AP2A2: variants seen among roughly 807,000 people sequenced by gnomAD.
AP2A2 encodes AP-2 complex subunit alpha-2.
In AP2A2, 32 loss-of-function variants were observed where a neutral mutation model predicts 104.2. The ratio of observed to expected loss-of-function variants is 0.31; its 90% CI spans 0.23 to 0.41. The LOEUF is 0.41. Ranked by LOEUF, AP2A2 falls within the 10% of genes least tolerant of loss-of-function variation. AP2A2 has a pLI of 1.00. For synonymous variants in AP2A2, 539 were observed against 533.3 expected (o/e 1.01, Z -0.15); for missense variants, 912 against 1,261.0 (o/e 0.72, Z 4.19).
At chr11:991,785 G>A (rs920696975) in intron 10 of AP2A2, among the ~76,000 whole-genome samples, 1 of 152,004 alleles carries the variant, frequency 6.6e-6, no homozygotes, top group Non-Finnish European at 1.5e-5. Context: ...GGGGAGGGGC[G>A]GCAGGGTATT....
intron 1 of AP2A2, among the ~76,000 whole-genome samples, chr11:951,938 G>C (rs887546485): frequency 6.0e-5 from 9 of 150,438 alleles, no homozygotes; most frequent in African/African-American, 2.2e-4. Flanking sequence ...GTCTGTCCTG[G>C]CTCACTGGAG....
chr11:1,000,548 G>C lies in AP2A2; in HGVS notation c.2073G>C (p.Ser691=), dbSNP rs765112074. The C allele has an allele frequency of 6.5e-7, 1 of 1,549,928 alleles. No homozygotes were observed. Among genetic ancestry groups the C allele is most frequent in the African/African-American group, 1.4e-5 (1 of 73,598 alleles). ...SGLLVDVFSD[S]ASVVAPLAPG... The stretch of plus-strand genomic sequence containing the variant: ...TGCTCGTGGACGTGTTCTCAGACTC[G>C]GCCTCTGTGGTCGCGCCTCTCGCTC... The change falls in exon 15 of 22, where the codon TCG becomes TCC. Residue 691 remains serine (S), a synonymous_variant. Coordinates refer to ENST00000448903, the MANE Select transcript of AP2A2 (RefSeq NM_012305.4).
intron 9 of AP2A2, among the ~76,000 whole-genome samples, chr11:987,235 C>T (rs182544393): frequency 8.5e-5 from 13 of 152,342 alleles, no homozygotes; most frequent in Middle Eastern, 3.4e-3. Context: ...TGCCATCCTG[C>T]GCGTGCATAG....
intron 6 of AP2A2, among the ~76,000 whole-genome samples, chr11:982,650 A>G (rs530059538): frequency 6.6e-6 from 1 of 151,008 alleles, no homozygotes; most frequent in African/African-American, 2.4e-5. Flanking sequence ...CTTTGTGGGA[A>G]ACTTTTTTTT....
In AP2A2 at chr11:968,318, G is replaced by T. The variant is rs927835561; in HGVS notation, c.137-1851G>T. 1.3e-5 allele frequency among the ~76,000 whole-genome samples: 2 copies of T among 152,152 alleles called. No homozygotes were observed. Among genetic ancestry groups the T allele is most frequent in the Admixed American group, 6.5e-5 (1 of 15,276 alleles). On this transcript the variant is annotated intron_variant, in intron 2 of 21. Coordinates refer to ENST00000448903, the MANE Select transcript of AP2A2 (RefSeq NM_012305.4). The surrounding 1 kb of genome is among the most constrained non-coding windows in gnomAD (Gnocchi z 4.2). Reference sequence around the variant, plus strand: ...CAGTGGGCTCAGCTTCTAAAGGTGGGCCTAAGTTTCCCAGCACCCGGGAGC... The same window carrying T: ...CAGTGGGCTCAGCTTCTAAAGGTGGTCCTAAGTTTCCCAGCACCCGGGAGC...
At chr11:1,000,631 AC>A in intron 15 of AP2A2, 33 bp downstream of exon 15, 1 of 1,529,056 alleles carries the variant, frequency 6.5e-7, no homozygotes, top group Non-Finnish European at 8.8e-7. Flanking sequence ...GCAGACAGGC[AC>A]GGGGCTGCCG....
At chr11:928,839 G>A (rs1359728223) in intron 1 of AP2A2, among the ~76,000 whole-genome samples, 2 of 152,122 alleles carry the variant, frequency 1.3e-5, no homozygotes, top group African/African-American at 2.4e-5. Context: ...ATCAGCTGCA[G>A]CGCCCACCAT....
At chr11:977,334 A>G (rs1376758891) in intron 5 of AP2A2, 110 bp downstream of exon 5, 30 of 1,417,138 alleles carry the variant, frequency 2.1e-5, no homozygotes, top group East Asian at 2.5e-5. Context: ...AGGCTGTCAC[A>G]GGGGCTGCTG....
At chr11:926,809 G>A (rs7479171) in intron 1 of AP2A2, among the ~76,000 whole-genome samples, 84,300 of 151,964 alleles carry the variant, frequency 0.55, 24,605 homozygotes, top group Middle Eastern at 0.71. Flanking sequence ...TCTCAGCCCC[G>A]TGCCTGTCCC....
chr11:1,002,049 G>A (rs1378370017), intron 15 of AP2A2, among the ~76,000 whole-genome samples: 2 of 152,240 alleles, frequency 1.3e-5, no homozygotes, highest in African/African-American at 2.4e-5. Flanking sequence ...TGGCCTTGCA[G>A]AGTGGTTTGC....
chr11:999,970 ATT>A (rs777390060), intron 14 of AP2A2, among the ~76,000 whole-genome samples: 7 of 151,116 alleles, frequency 4.6e-5, no homozygotes, highest in Non-Finnish European at 8.9e-5. Flanking sequence ...CGCCCGGCTA[ATT>A]TTTTTTGTAT....
intron 1 of AP2A2, among the ~76,000 whole-genome samples, chr11:928,413 T>G (rs1853185609): frequency 6.6e-6 from 1 of 152,270 alleles, no homozygotes; most frequent in African/African-American, 2.4e-5. Flanking sequence ...ATCTGAAGTT[T>G]CAGGCACCCA....
intron 1 of AP2A2, among the ~76,000 whole-genome samples, chr11:935,797 T>C (rs1853439319): frequency 6.6e-6 from 1 of 151,464 alleles, no homozygotes; most frequent in Non-Finnish European, 1.5e-5. Flanking sequence ...AGTTTCACCA[T>C]CTTGGCCAGG....
chr11:967,424 C>T (rs1182930467), intron 2 of AP2A2, among the ~76,000 whole-genome samples: 6 of 151,990 alleles, frequency 3.9e-5, no homozygotes, highest in Admixed American at 2.6e-4. Context: ...TGCAGTGGCG[C>T]GATCTCGGCT....
rs532828538 is a variant in AP2A2 at position 1,007,923 on chromosome 11, G to A, written c.2297-89G>A. 3.7e-5 allele frequency: 57 copies of A among 1,537,764 alleles called. No individual in the cohort carries two copies. In the Middle Eastern group the frequency reaches 6.7e-4, roughly 18 times the overall value. ...GTCCTAGAGTGTGGTGAGTGTGCTCGCCTCCACGGGTCCTGCTGGGGCTCT... is the reference window on the plus strand; with the variant it reads ...GTCCTAGAGTGTGGTGAGTGTGCTCACCTCCACGGGTCCTGCTGGGGCTCT... On this transcript the variant is annotated intron_variant, in intron 17 of 21. Coordinates refer to ENST00000448903, the MANE Select transcript of AP2A2 (RefSeq NM_012305.4).
chr11:982,204 C>T (rs970355709), intron 6 of AP2A2, among the ~76,000 whole-genome samples: 2 of 152,112 alleles, frequency 1.3e-5, no homozygotes, highest in African/African-American at 4.8e-5. Flanking sequence ...GCACCCACCA[C>T]CAAGCCTGGC....
At chr11:954,540 TTG>T (rs1189724028) in intron 1 of AP2A2, among the ~76,000 whole-genome samples, 3 of 152,196 alleles carry the variant, frequency 2.0e-5, no homozygotes, top group South Asian at 2.1e-4. Flanking sequence ...ATCTGTGTAT[TTG>T]TATTTATGTG....
rs1854730838 is a variant in AP2A2, at chr11:969,214, AC to A, written c.137-954del. On this transcript the variant is annotated intron_variant, in intron 2 of 21. Transcript: ENST00000448903. ...GGATAGAAACTCCTGGCAATGTAGA[AC>A]AGCCCTTTTTTTTTTTTTTTTTTTT... 2.4e-5 allele frequency among the ~76,000 whole-genome samples: 3 copies of A among 126,704 alleles called. 1 individual carries two copies. Among genetic ancestry groups the A allele is most frequent in the South Asian group, 2.5e-4 (1 of 3,946 alleles). 83.1% of individuals were successfully genotyped at this position (126,704 alleles called of 152,430 possible). A position where few individuals can be genotyped will look rare whatever the true frequency, so the allele number is the denominator to read the frequency against.
chr11:1,011,929 C>T lies in AP2A2; in HGVS notation c.*1304C>T, dbSNP rs1856448595. 1 of 176,494 alleles carries T rather than the reference C, an allele frequency of 5.7e-6. No individual in the cohort carries two copies. The highest frequency in any genetic ancestry group is 1.3e-4 in the South Asian group (1 of 7,726). The allele number at this position is 176,494 out of a possible 1,614,324, so 10.9% of individuals were successfully genotyped here. A position where few individuals can be genotyped will look rare whatever the true frequency, so the allele number is the denominator to read the frequency against. On this transcript the variant is annotated 3_prime_UTR_variant, in exon 22 of 22. Transcript: ENST00000448903. ...TCGGGCTTTGATCACAGCATAGCCA[C>T]GTCAGTGGCGTGCGCCTCTCGCACA...
Sources: gnomAD v4.1 joint callset for allele counts (sites outside exome capture counted in the v4.1 genomes callset) on GRCh38, gnomAD v4.1.1 for gene constraint, Gnocchi (gnomAD v3.1) non-coding constraint, MANE v1.5 for transcripts, NCBI Gene and HGNC (gene_info 2026-07-23, HGNC 2026-07-21) for gene names.